The following RIMS1 variants were observed in gnomAD, a reference collection of about 807,000 sequenced individuals.
RIMS1 encodes regulating synaptic membrane exocytosis 1.
A neutral mutation model predicts 214.1 loss-of-function variants in RIMS1; 83 were observed. That is an observed-to-expected ratio of 0.39 (90% confidence interval 0.32 to 0.47). RIMS1 has a LOEUF of 0.47. Among genes scored for constraint, RIMS1 ranks in the 20% least tolerant of loss-of-function variants. The pLI, the probability that RIMS1 is intolerant of heterozygous loss-of-function variation, is 0.99. For missense variants in RIMS1, 2,050 were observed against 2,161.8 expected (o/e 0.95, Z 1.03); for synonymous variants, 793 against 786.8 (o/e 1.01, Z -0.13).
intron 2 of RIMS1, among the ~76,000 whole-genome samples, chr6:72,093,396 A>G (rs1339595573): frequency 6.6e-6 from 1 of 151,900 alleles, no homozygotes; most frequent in African/African-American, 2.4e-5. Context: ...AATACTTTTT[A>G]CTAGTAGTTT....
chr6:72,122,066 T>A (rs571545495), intron 4 of RIMS1, among the ~76,000 whole-genome samples: 2 of 152,036 alleles, frequency 1.3e-5, no homozygotes, highest in South Asian at 2.1e-4. Flanking sequence ...AGTATTTTAT[T>A]GAGGAATTTT....
In RIMS1 at chr6:72,400,788, C is replaced by G; in HGVS notation, c.*74C>G. Reference sequence around the variant, plus strand: ...TAATCTGAACCAGATATTTCATGATCGAAAGCATTGTTGGAGACAGACAAT... The same window carrying G: ...TAATCTGAACCAGATATTTCATGATGGAAAGCATTGTTGGAGACAGACAAT... On this transcript the variant is annotated 3_prime_UTR_variant, in exon 34 of 34. Transcript: ENST00000521978. The G allele has an allele frequency of 6.5e-6, 8 of 1,223,358 alleles. No homozygotes were observed. In the South Asian group the frequency reaches 1.2e-4, roughly 18 times the overall value. 75.8% of individuals were successfully genotyped at this position (1,223,358 alleles called of 1,614,324 possible).
chr6:72,377,750 A>G (rs2098415987), intron 29 of RIMS1, among the ~76,000 whole-genome samples: 1 of 152,212 alleles, frequency 6.6e-6, no homozygotes, highest in Admixed American at 6.5e-5. Flanking sequence ...AATCATGGCC[A>G]ATCCTGATAT....
chr6:72,210,116 CA>C (rs1206572806), intron 6 of RIMS1, among the ~76,000 whole-genome samples: 1 of 151,988 alleles, frequency 6.6e-6, no homozygotes, highest in Non-Finnish European at 1.5e-5. Flanking sequence ...AGAAACTACC[CA>C]AAGGAACAAC....
chr6:71,960,410 TGTTA>T (rs1561973839), intron 1 of RIMS1, among the ~76,000 whole-genome samples: 1 of 152,216 alleles, frequency 6.6e-6, no homozygotes, highest in Non-Finnish European at 1.5e-5. Flanking sequence ...AGATAACCTA[TGTTA>T]GTTCCAAGAT....
intron 29 of RIMS1, among the ~76,000 whole-genome samples, chr6:72,356,009 A>G (rs1413943956): frequency 1.3e-5 from 2 of 152,142 alleles, no homozygotes; most frequent in Non-Finnish European, 2.9e-5. Flanking sequence ...ATCATCATTG[A>G]CGTAATTCTT....
At chr6:72,075,780 G>A (rs1831688884) in intron 2 of RIMS1, among the ~76,000 whole-genome samples, 2 of 152,144 alleles carry the variant, frequency 1.3e-5, no homozygotes, top group South Asian at 4.1e-4. Flanking sequence ...AACACTGAGG[G>A]TTAAAGGAGG....
chr6:72,217,743 G>A (rs1307022502), intron 6 of RIMS1, among the ~76,000 whole-genome samples: 2 of 152,138 alleles, frequency 1.3e-5, no homozygotes, highest in East Asian at 1.9e-4. Context: ...GAACACATTC[G>A]TGGAAATGCC....
chr6:71,929,397 T>C (rs1383161824), intron 1 of RIMS1, among the ~76,000 whole-genome samples: 2 of 152,120 alleles, frequency 1.3e-5, no homozygotes, highest in Non-Finnish European at 2.9e-5. Flanking sequence ...ATATGCCACA[T>C]TTAGAACAAA....
chr6:72,047,093 G>A (rs1427562896), intron 2 of RIMS1, among the ~76,000 whole-genome samples: 1 of 152,116 alleles, frequency 6.6e-6, no homozygotes, highest in East Asian at 1.9e-4. Context: ...AATTTACAGT[G>A]TCCTGTGTAA....
At chr6:72,120,623 G>T (rs1413996399) in intron 4 of RIMS1, among the ~76,000 whole-genome samples, 2 of 151,902 alleles carry the variant, frequency 1.3e-5, no homozygotes, top group Non-Finnish European at 2.9e-5. Context: ...TCTGATGGTA[G>T]TTTCTTTTGC....
chr6:72,337,297 T>A (rs2096874221), intron 29 of RIMS1, among the ~76,000 whole-genome samples: 1 of 151,826 alleles, frequency 6.6e-6, no homozygotes, highest in East Asian at 1.9e-4. Flanking sequence ...ATATTCCATA[T>A]AATATCCTAT....
At chr6:72,337,718 C>T (rs1187260847) in intron 29 of RIMS1, among the ~76,000 whole-genome samples, 2 of 148,036 alleles carry the variant, frequency 1.4e-5, no homozygotes, top group South Asian at 4.5e-4. Flanking sequence ...TTAGGTATAT[C>T]TCCTAATGCT....
intron 2 of RIMS1, among the ~76,000 whole-genome samples, chr6:72,058,054 T>C (rs1359874281): frequency 6.6e-6 from 1 of 152,228 alleles, no homozygotes; most frequent in African/African-American, 2.4e-5. Flanking sequence ...TCTCATGAAT[T>C]TATAAAGTAC....
At chr6:72,216,438 T>C (rs893732368) in intron 6 of RIMS1, 2 of 985,368 alleles carry the variant, frequency 2.0e-6, no homozygotes, top group Non-Finnish European at 2.4e-6. Context: ...AGGCTGGCCG[T>C]ACCAGAAAAG....
At chr6:71,957,090 C>G (rs1477694790) in intron 1 of RIMS1, among the ~76,000 whole-genome samples, 1 of 151,974 alleles carries the variant, frequency 6.6e-6, no homozygotes, top group Non-Finnish European at 1.5e-5. Context: ...TGTATTGGAC[C>G]TAGAGTAAAA....
rs774277304 is a variant in RIMS1, at chr6:72,179,709, T to G, written c.606T>G (p.Ser202=). 3.7e-6 allele frequency: 6 copies of G among 1,613,764 alleles called. No individual in the cohort carries two copies. The highest frequency in any genetic ancestry group is 1.6e-4 in the Middle Eastern group (1 of 6,084). The part of the protein sequence containing the change: ...TLSDTATGAG[S]EVPREKKARL... The stretch of plus-strand genomic sequence containing the variant: ...GTGATACAGCTACAGGTGCTGGCTC[T>G]GAGGTACCAAGAGAAAAGAAAGCAC... The change falls in exon 5 of 34, where the codon TCT becomes TCG. Residue 202 remains serine (S), a synonymous_variant. Coordinates refer to ENST00000521978, the MANE Select transcript of RIMS1 (RefSeq NM_014989.7).
At chr6:72,239,086 T>G (rs536542458) in intron 9 of RIMS1, among the ~76,000 whole-genome samples, 1 of 152,316 alleles carries the variant, frequency 6.6e-6, no homozygotes, top group African/African-American at 2.4e-5. Context: ...GGGTTGACTC[T>G]GTCAGTAAAC....
chr6:72,374,173 A>G (rs1221373864), intron 29 of RIMS1, among the ~76,000 whole-genome samples: 1 of 152,184 alleles, frequency 6.6e-6, no homozygotes, highest in Admixed American at 6.5e-5. Flanking sequence ...TCGGCCTCCC[A>G]TAGTGCTGGG....
Sources: allele counts gnomAD v4.1 joint callset (sites outside exome capture counted in the v4.1 genomes callset), GRCh38; gene constraint gnomAD v4.1.1; transcripts MANE v1.5; gene names NCBI Gene and HGNC (gene_info 2026-07-23, HGNC 2026-07-21).